MAGI2: variants seen among roughly 807,000 people sequenced by gnomAD.
The protein encoded by MAGI2 is membrane associated guanylate kinase, WW and PDZ domain containing 2.
In MAGI2, 35 loss-of-function variants were observed where a neutral mutation model predicts 133.3. The ratio of observed to expected loss-of-function variants is 0.26; its 90% confidence interval spans 0.20 to 0.35. MAGI2 has a LOEUF of 0.35. MAGI2 is among the 10% of genes least tolerant of loss of function. The pLI is 1.00. For missense variants in MAGI2, 1,636 were observed against 1,863.4 expected (o/e 0.88, Z 2.25); for synonymous variants, 729 against 710.6 (o/e 1.03, Z -0.41).
chr7:78,456,526 C>T (rs2151496204), intron 6 of MAGI2, among the ~76,000 whole-genome samples: 1 of 152,138 alleles, frequency 6.6e-6, no homozygotes, highest in Admixed American at 6.5e-5. Context: ...TTACTAAGAC[C>T]CAATCTATTT....
intron 6 of MAGI2, chr7:78,485,745 A>G (rs995932270): frequency 2.6e-5 from 4 of 152,058 alleles, no homozygotes; most frequent in Admixed American, 6.6e-5. Context: ...TAGTAAGCAC[A>G]CATATATGAC....
At position 78,019,798 on chromosome 7, in the gene MAGI2, C is replaced by T. The variant is rs1399121751; in HGVS notation, c.3885G>A (p.Arg1295=). The part of the protein sequence containing the change: ...TWDIKREHDV[R]KPKELSACGQ... ...CGCAGGCTGAAAGCTCCTTTGGTTT[C>T]CTAACGTCGTGTTCCCGTTTGATAT... Residue 1295 remains arginine (R), a synonymous_variant, in exon 22 of 22, where the codon AGG becomes AGA. Coordinates refer to ENST00000354212, the MANE Select transcript of MAGI2 (RefSeq NM_012301.4). 2 of 1,613,040 alleles carry T rather than the reference C, an allele frequency of 1.2e-6. No individual in the cohort carries two copies. The highest frequency in any genetic ancestry group is 2.7e-5 in the African/African-American group (2 of 74,876).
At chr7:78,462,744 C>T (rs984930894) in intron 6 of MAGI2, among the ~76,000 whole-genome samples, 19 of 152,004 alleles carry the variant, frequency 1.2e-4, no homozygotes, top group Non-Finnish European at 2.5e-4. Flanking sequence ...CTAGAAAATC[C>T]GGGTAAAATT....
chr7:79,371,009 GGAGT>G (rs1843015697), intron 1 of MAGI2, among the ~76,000 whole-genome samples: 1 of 151,640 alleles, frequency 6.6e-6, no homozygotes, highest in African/African-American at 2.4e-5. Flanking sequence ...CAAAAATACT[GGAGT>G]AAGAAATAAA....
chr7:78,773,460 G>C (rs1472460993), intron 2 of MAGI2, among the ~76,000 whole-genome samples: 1 of 152,168 alleles, frequency 6.6e-6, no homozygotes. Flanking sequence ...GTTTACTAAT[G>C]CACTCATTTA....
rs1791634429 is a variant in MAGI2, at chr7:78,836,588, T to C, written c.418+170502A>G. On this transcript the variant is annotated intron_variant, in intron 2 of 21. Transcript: ENST00000354212. ...AGCTATTTTAATATACATCTTTCCA[T>C]TTATTAGTGATAGCTTAACTTCTTT... 2.6e-5 allele frequency among the ~76,000 whole-genome samples: 4 copies of C among 152,342 alleles called. No individual in the cohort carries two copies. In the South Asian group the frequency reaches 8.3e-4, roughly 32 times the overall value.
At chr7:79,357,888 G>A (rs990458903) in intron 1 of MAGI2, among the ~76,000 whole-genome samples, 3 of 152,112 alleles carry the variant, frequency 2.0e-5, no homozygotes, top group Non-Finnish European at 4.4e-5. Flanking sequence ...GCATGTGCAT[G>A]AAAATACTTG....
chr7:78,940,347 A>G lies in MAGI2; in HGVS notation c.418+66743T>C, dbSNP rs1458844112. On this transcript the variant is annotated intron_variant, in intron 2 of 21. Coordinates refer to ENST00000354212, the MANE Select transcript of MAGI2 (RefSeq NM_012301.4). ...AAAAAATACACAGTCATGTATAATT[A>G]TTTATCTATGTCTGCTTGTGAGGCC... 5 of 152,244 alleles carry G rather than the reference A, an allele frequency of 3.3e-5. No individual in the cohort carries two copies. The East Asian group carries it at 9.7e-4, about 29-fold the overall frequency. 9.4% of individuals were successfully genotyped at this position (152,244 alleles called of 1,614,324 possible).
chr7:78,365,987 G>C (rs1282407017), intron 7 of MAGI2, among the ~76,000 whole-genome samples: 1 of 152,198 alleles, frequency 6.6e-6, no homozygotes, highest in Non-Finnish European at 1.5e-5. Flanking sequence ...GGTGCTAACT[G>C]CTAAATTGGA....
intron 2 of MAGI2, among the ~76,000 whole-genome samples, chr7:78,683,872 G>C (rs1262234937): frequency 6.6e-6 from 1 of 152,134 alleles, no homozygotes; most frequent in Admixed American, 6.6e-5. Context: ...GTAACAAACA[G>C]CTGATAAAAT....
intron 1 of MAGI2, among the ~76,000 whole-genome samples, chr7:79,191,402 CTTTTT>C (rs71095386): frequency 3.1e-4 from 7 of 22,328 alleles, no homozygotes; most frequent in Non-Finnish European, 4.7e-4. Flanking sequence ...CTTTTTCTTT[CTTTTT>C]TTTTTTTTTT....
intron 7 of MAGI2, among the ~76,000 whole-genome samples, chr7:78,357,865 G>T (rs1792255573): frequency 6.6e-6 from 1 of 151,604 alleles, no homozygotes; most frequent in Non-Finnish European, 1.5e-5. Context: ...GAAATTTGAT[G>T]ATAAAAGTTT....
At chr7:79,204,417 T>C (rs1341625858) in intron 1 of MAGI2, among the ~76,000 whole-genome samples, 1 of 152,060 alleles carries the variant, frequency 6.6e-6, no homozygotes, top group Non-Finnish European at 1.5e-5. Context: ...GCTAGGCTTC[T>C]AGTAGCACTT....
intron 10 of MAGI2, among the ~76,000 whole-genome samples, chr7:78,235,121 T>G (rs1384738996): frequency 1.3e-5 from 2 of 152,150 alleles, no homozygotes; most frequent in African/African-American, 4.8e-5. Context: ...TAAAAATAAT[T>G]TGAATAAACT....
At chr7:78,273,427 T>G (rs1230965633) in intron 9 of MAGI2, among the ~76,000 whole-genome samples, 2 of 152,204 alleles carry the variant, frequency 1.3e-5, no homozygotes, top group African/African-American at 4.8e-5. Context: ...GGGTTGCTCT[T>G]CTCGAGGAGT....
At chr7:78,519,187 T>G (rs1218958502) in intron 4 of MAGI2, 1 of 140,238 alleles carries the variant, frequency 7.1e-6, no homozygotes, top group Non-Finnish European at 1.5e-5. Context: ...AGTTGGGAAA[T>G]GTATATCAGA....
At chr7:78,560,486 C>T (rs1283549456) in intron 3 of MAGI2, among the ~76,000 whole-genome samples, 1 of 152,106 alleles carries the variant, frequency 6.6e-6, no homozygotes, top group Admixed American at 6.6e-5. Flanking sequence ...CATTGGAACA[C>T]TTAAATTATC....
At chr7:79,421,482 T>C (rs1213526972) in intron 1 of MAGI2, among the ~76,000 whole-genome samples, 2 of 151,992 alleles carry the variant, frequency 1.3e-5, no homozygotes, top group Non-Finnish European at 2.9e-5. Context: ...TCTTGCATTG[T>C]TCTTAAAATA....
At chr7:78,299,171 G>T (rs1427719273) in intron 9 of MAGI2, among the ~76,000 whole-genome samples, 1 of 152,110 alleles carries the variant, frequency 6.6e-6, no homozygotes, top group Non-Finnish European at 1.5e-5. Flanking sequence ...TATTGGGAAG[G>T]TCAAAGTAAA....
Sources: gnomAD v4.1 joint callset for allele counts (sites outside exome capture counted in the v4.1 genomes callset) on GRCh38, gnomAD v4.1.1 for gene constraint, MANE v1.5 for transcripts, NCBI Gene and HGNC (gene_info 2026-07-23, HGNC 2026-07-21) for gene names.